Variants in QKI observed in about 807,000 individuals in gnomAD.
QKI encodes the protein QKI, KH domain containing RNA binding.
Under a neutral mutation model 39.0 loss-of-function variants are expected in QKI, and 10 were observed. The observed-to-expected ratio is 0.26, with a 90% CI of 0.16 to 0.43. The LOEUF (loss-of-function observed/expected upper bound fraction) is 0.43. QKI is among the 20% of genes least tolerant of loss of function. The pLI is 1.00. For missense variants in QKI, 218 were observed against 428.0 expected (o/e 0.51, Z 4.33); for synonymous variants, 204 against 155.4 (o/e 1.31, Z -2.33).
At chr6:163,447,087 A>C (rs2128217006) in intron 1 of QKI, among the ~76,000 whole-genome samples, 1 of 152,290 alleles carries the variant, frequency 6.6e-6, no homozygotes, top group East Asian at 1.9e-4. Flanking sequence ...CCGTTTCTTA[A>C]AATGAATTTT....
chr6:163,543,951 G>A (rs1188565597), intron 4 of QKI, among the ~76,000 whole-genome samples: 1 of 151,972 alleles, frequency 6.6e-6, no homozygotes, highest in Non-Finnish European at 1.5e-5. Context: ...ACCAGATACT[G>A]ACTTTAATTT....
chr6:163,565,137 G>T, intron 6 of QKI: 1 of 1,001,042 alleles, frequency 1.0e-6, no homozygotes, highest in Non-Finnish European at 1.2e-6. Flanking sequence ...TTATACCACA[G>T]AACTGTTTAT....
At chr6:163,428,915 T>G (rs1168090621) in intron 1 of QKI, 1 of 152,214 alleles carries the variant, frequency 6.6e-6, no homozygotes, top group Non-Finnish European at 1.5e-5. Context: ...TGCATTTTAG[T>G]CCCTGCTCCC....
At chr6:163,534,782 T>C (rs1781091001) in intron 3 of QKI, among the ~76,000 whole-genome samples, 200 bp from the exon 4 acceptor site, 1 of 152,212 alleles carries the variant, frequency 6.6e-6, no homozygotes, top group Non-Finnish European at 1.5e-5. Context: ...TAAATACTTG[T>C]TGGATTAATT....
intron 7 of QKI, chr6:163,570,240 C>CA: frequency 1.0e-6 from 1 of 980,740 alleles, no homozygotes; most frequent in African/African-American, 1.7e-5. Context: ...TATTAATAAT[C>CA]ACATCCATCA....
chr6:163,429,425 C>T (rs2128210396), intron 1 of QKI, among the ~76,000 whole-genome samples: 2 of 152,098 alleles, frequency 1.3e-5, no homozygotes, highest in South Asian at 4.2e-4. Context: ...CAAAATTTTT[C>T]CTTGCCATTT....
At position 163,535,045 on chromosome 6, in the gene QKI, A is replaced by G; in HGVS notation, c.466A>G (p.Thr156Ala). The change falls in exon 4 of 8, where the codon ACT becomes GCT. Residue 156 changes from threonine to alanine, a missense_variant. Physicochemically the swap from Thr to Ala is moderately conservative, Grantham distance 58. This residue lies in a region of QKI where 61 missense variants were observed against 193.3 expected (regional missense o/e 0.32). Transcript: ENST00000361752. ...HLNEDLHVLITVEDAQNRAEI... is the reference protein window; with the variant it reads ...HLNEDLHVLIAVEDAQNRAEI... ...AAATGAAGATTTACATGTACTAATC[A>G]CTGTGGAAGATGCTCAGAACAGAGC... 1 of 1,612,378 alleles carries G rather than the reference A, an allele frequency of 6.2e-7. No individual in the cohort carries two copies. The highest frequency in any genetic ancestry group is 8.5e-7 in the Non-Finnish European group (1 of 1,179,176).
chr6:163,577,934 T>C lies in QKI; in HGVS notation c.*7224T>C, dbSNP rs1408177111. 1 of 152,214 alleles carries C rather than the reference T, an allele frequency of 6.6e-6. No individual in the cohort carries two copies. The highest frequency in any genetic ancestry group is 1.5e-5 in the Non-Finnish European group (1 of 68,042). The allele number at this position is 152,214 out of a possible 1,614,324, so 9.4% of individuals were successfully genotyped here. A position where few individuals can be genotyped will look rare whatever the true frequency, so the allele number is the denominator to read the frequency against. On this transcript the variant is annotated 3_prime_UTR_variant, in exon 8 of 8. Coordinates refer to ENST00000361752, the MANE Select transcript of QKI (RefSeq NM_006775.3). ...CTTTTATACAGTAATTTGTGGTCTT[T>C]AGAAAGCAGTTAAACTAATTGACCA... is the stretch of plus-strand genomic sequence containing the variant.
chr6:163,560,583 A>G (rs538954482), intron 4 of QKI, among the ~76,000 whole-genome samples: 1 of 152,330 alleles, frequency 6.6e-6, no homozygotes, highest in South Asian at 2.1e-4. Context: ...ATGCACAGAG[A>G]TGAATGGTGG....
chr6:163,542,708 T>G (rs1324932729), intron 4 of QKI, among the ~76,000 whole-genome samples: 13 of 152,170 alleles, frequency 8.5e-5, no homozygotes, highest in African/African-American at 2.6e-4. Context: ...AATTGTGTGT[T>G]TGTTTTCTCT....
At chr6:163,565,111 T>G in intron 6 of QKI, 1 of 1,016,554 alleles carries the variant, frequency 9.8e-7, no homozygotes, top group Non-Finnish European at 1.2e-6. Context: ...TTGTATAAAG[T>G]AATTGCAGGT....
At chr6:163,524,465 C>CT (rs1160326879) in intron 3 of QKI, among the ~76,000 whole-genome samples, 5 of 151,720 alleles carry the variant, frequency 3.3e-5, no homozygotes, top group Admixed American at 2.0e-4. Context: ...GTTTAATTTT[C>CT]TTTTTTTTAT....
Position 163,563,502 on chromosome 6 carries a change from T to C in QKI, c.717T>C (p.Ala239=). The C allele has an allele frequency of 2.5e-6, 4 of 1,614,208 alleles. No homozygotes were observed. The highest frequency in any genetic ancestry group is 3.4e-6 in the Non-Finnish European group (4 of 1,180,030). ...GGCCTGCGCCGGTTCTCCCACCAGCTGCCCTGCGTACTCCTACGCCAGCTG... is the reference window on the plus strand; with the variant it reads ...GGCCTGCGCCGGTTCTCCCACCAGCCGCCCTGCGTACTCCTACGCCAGCTG... ...ITGPAPVLPP[A]ALRTPTPAGP... Residue 239 remains alanine (A), a synonymous_variant, in exon 6 of 8, where the codon GCT becomes GCC. Transcript: ENST00000361752.
chr6:163,459,495 G>C (rs1583025903), intron 2 of QKI, among the ~76,000 whole-genome samples: 1 of 152,166 alleles, frequency 6.6e-6, no homozygotes, highest in Non-Finnish European at 1.5e-5. Flanking sequence ...GTAGTGCTGA[G>C]GTTGAGAAAC....
At chr6:163,487,806 G>A (rs898470389) in intron 3 of QKI, among the ~76,000 whole-genome samples, 1 of 151,788 alleles carries the variant, frequency 6.6e-6, no homozygotes, top group African/African-American at 2.4e-5. Context: ...CATAACTAGT[G>A]TTTTGATGGT....
At chr6:163,497,349 G>T (rs2321698) in intron 3 of QKI, among the ~76,000 whole-genome samples, 132,984 of 152,126 alleles carry the variant, frequency 0.87, 58,477 homozygotes, top group East Asian at 1. Context: ...TTATTTTGCT[G>T]TTTAAAACAA....
chr6:163,575,932 A>G lies in QKI; in HGVS notation c.*5222A>G, dbSNP rs1783953498. The G allele has an allele frequency of 6.6e-6, 1 of 152,124 alleles. No homozygotes were observed. The highest frequency in any genetic ancestry group is 2.4e-5 in the African/African-American group (1 of 41,442). 9.4% of individuals were successfully genotyped at this position (152,124 alleles called of 1,614,324 possible). ...ATGTGATGCCTGTCTTTATTCCTTG[A>G]TAAGAAGTAGCTGTTACAGCATTTC... On this transcript the variant is annotated 3_prime_UTR_variant, in exon 8 of 8. Transcript: ENST00000361752.
intron 3 of QKI, among the ~76,000 whole-genome samples, chr6:163,526,891 T>G (rs1383271942): frequency 6.6e-6 from 1 of 152,136 alleles, no homozygotes; most frequent in African/African-American, 2.4e-5. Context: ...ACAATTAAAT[T>G]AGTGGAATTA....
intron 1 of QKI, among the ~76,000 whole-genome samples, chr6:163,427,526 C>T (rs1320324641): frequency 1.3e-5 from 2 of 151,858 alleles, no homozygotes; most frequent in Non-Finnish European, 2.9e-5. Context: ...TTAATTTCTA[C>T]TGAATCTTGT....
Sources: gnomAD v4.1 joint callset for allele counts (sites outside exome capture counted in the v4.1 genomes callset) on GRCh38, gnomAD v4.1.1 for gene constraint, gnomAD v4.1.1 regional missense constraint, MANE v1.5 for transcripts, NCBI Gene and HGNC (gene_info 2026-07-23, HGNC 2026-07-21) for gene names.